Variants in IL1RAPL2 observed in about 807,000 individuals in gnomAD.
IL1RAPL2 encodes interleukin 1 receptor accessory protein like 2, also known as X-linked interleukin-1 receptor accessory protein-like 2.
In IL1RAPL2, 3 loss-of-function variants were observed where a neutral mutation model predicts 44.1. The observed-to-expected ratio is 0.07, with a 90% CI of 0.03 to 0.18. The LOEUF is 0.18. IL1RAPL2 is among the 10% of genes least tolerant of loss of function. The pLI, the probability that IL1RAPL2 is intolerant of heterozygous loss-of-function variation, is 1.00. For synonymous variants in IL1RAPL2, 181 were observed against 178.8 expected (o/e 1.01, Z -0.10); for missense variants, 391 against 496.4 (o/e 0.79, Z 2.02).
At chrX:104,880,313 C>A (rs1923028676) in intron 2 of IL1RAPL2, among the ~76,000 whole-genome samples, 1 of 111,225 alleles carries the variant, frequency 9.0e-6, no homozygotes, top group Non-Finnish European at 1.9e-5. Flanking sequence ...GAGATTGGCA[C>A]CCTTCCTAAC....
At chrX:104,599,650 GCA>G (rs35769134) in intron 1 of IL1RAPL2, among the ~76,000 whole-genome samples, 8,608 of 85,909 alleles carry the variant, frequency 0.1, 360 homozygotes, top group South Asian at 0.12. Context: ...GATGGATTTA[GCA>G]CACACACACA....
intron 2 of IL1RAPL2, among the ~76,000 whole-genome samples, chrX:104,907,387 G>T (rs942382837): frequency 9.1e-6 from 1 of 110,321 alleles, no homozygotes; most frequent in Non-Finnish European, 1.9e-5. Context: ...TCTTTTAATT[G>T]TGATGTTAGG....
intron 1 of IL1RAPL2, among the ~76,000 whole-genome samples, chrX:104,641,224 ATAT>A (rs1294097805): frequency 9.0e-6 from 1 of 111,683 alleles, no homozygotes; most frequent in Non-Finnish European, 1.9e-5. Context: ...TTTAGGCCCA[ATAT>A]TATGCCTTTG....
intron 2 of IL1RAPL2, among the ~76,000 whole-genome samples, chrX:104,730,754 G>A (rs1175274249): frequency 9.2e-6 from 1 of 108,992 alleles, no homozygotes; most frequent in African/African-American, 3.3e-5. Flanking sequence ...GGGATGGCTG[G>A]GTCAAATGGA....
intron 5 of IL1RAPL2, among the ~76,000 whole-genome samples, chrX:105,296,041 T>C (rs1182515267): frequency 9.0e-6 from 1 of 111,555 alleles, no homozygotes; most frequent in Non-Finnish European, 1.9e-5. Flanking sequence ...GAAAATACAC[T>C]GGTCCTCAAT....
At chrX:104,983,918 A>G (rs1271081163) in intron 2 of IL1RAPL2, among the ~76,000 whole-genome samples, 2 of 109,607 alleles carry the variant, frequency 1.8e-5, no homozygotes, top group Non-Finnish European at 3.8e-5. Context: ...TTTCCTTGGC[A>G]AGGGCTCCAT....
At chrX:104,839,181 T>C (rs1364493977) in intron 2 of IL1RAPL2, among the ~76,000 whole-genome samples, 1 of 110,904 alleles carries the variant, frequency 9.0e-6, no homozygotes. Context: ...CTACTAGATT[T>C]TGTTCATTCA....
intron 2 of IL1RAPL2, among the ~76,000 whole-genome samples, chrX:104,704,575 G>C (rs995347447): frequency 1.2e-4 from 13 of 111,358 alleles, no homozygotes; most frequent in African/African-American, 3.9e-4. Flanking sequence ...GTCAGGCCCT[G>C]AATTATACTC....
chrX:105,368,979 TTTCA>T (rs1469458863), intron 5 of IL1RAPL2, among the ~76,000 whole-genome samples: 2 of 109,062 alleles, frequency 1.8e-5, no homozygotes, highest in Non-Finnish European at 3.8e-5. Flanking sequence ...TGTTGGATTG[TTTCA>T]TTTAGTTAAT....
intron 5 of IL1RAPL2, chrX:105,406,288 A>C (rs2035643818): frequency 9.6e-7 from 1 of 1,045,164 alleles, no homozygotes; most frequent in Non-Finnish European, 1.3e-6. Flanking sequence ...GCGCTTTCTT[A>C]ATTGACCGAA....
intron 2 of IL1RAPL2, among the ~76,000 whole-genome samples, chrX:104,730,182 CAT>C (rs1308705445): frequency 9.0e-6 from 1 of 111,088 alleles, no homozygotes; most frequent in East Asian, 2.8e-4. Context: ...TATTCACACT[CAT>C]ATTTGAAGAC....
At chrX:104,841,696 T>G (rs1482690204) in intron 2 of IL1RAPL2, among the ~76,000 whole-genome samples, 1 of 111,670 alleles carries the variant, frequency 9.0e-6, no homozygotes, top group Non-Finnish European at 1.9e-5. Context: ...TTCTGTTATT[T>G]AAGTATGTTG....
chrX:105,192,852 T>G (rs2033644043), intron 2 of IL1RAPL2, among the ~76,000 whole-genome samples: 1 of 112,196 alleles, frequency 8.9e-6, no homozygotes, highest in Non-Finnish European at 1.9e-5. Flanking sequence ...GACTACCTTA[T>G]AACTAAATAC....
intron 6 of IL1RAPL2, among the ~76,000 whole-genome samples, chrX:105,635,627 G>A (rs867406094): frequency 3.6e-5 from 4 of 111,510 alleles, no homozygotes; most frequent in Middle Eastern, 4.2e-3. Context: ...AGAACCACTT[G>A]TGAGGTAGGG....
intron 3 of IL1RAPL2, among the ~76,000 whole-genome samples, chrX:105,218,652 C>T (rs1439753936): frequency 1.8e-5 from 2 of 110,302 alleles, no homozygotes. Context: ...TGCAAGTGCT[C>T]TGGAATACAA....
At chrX:104,655,501 C>T (rs933171496) in intron 1 of IL1RAPL2, among the ~76,000 whole-genome samples, 3 of 111,928 alleles carry the variant, frequency 2.7e-5, no homozygotes, top group African/African-American at 9.8e-5. Flanking sequence ...TTGAACCAGC[C>T]TTGCATCCCA....
At chrX:105,674,801 A>G (rs758169859) in intron 6 of IL1RAPL2, among the ~76,000 whole-genome samples, 4 of 111,200 alleles carry the variant, frequency 3.6e-5, no homozygotes, top group African/African-American at 6.5e-5. Flanking sequence ...AGCATGGAAT[A>G]TTTTTTCATT....
At chrX:105,369,784 G>A (rs1032391667) in intron 5 of IL1RAPL2, among the ~76,000 whole-genome samples, 1 of 111,247 alleles carries the variant, frequency 9.0e-6, no homozygotes, top group Non-Finnish European at 1.9e-5. Flanking sequence ...TGCTCTATCT[G>A]TGCCAAATCT....
At chrX:104,855,236 A>G (rs1204699160) in intron 2 of IL1RAPL2, among the ~76,000 whole-genome samples, 1 of 111,977 alleles carries the variant, frequency 8.9e-6, no homozygotes, top group Non-Finnish European at 1.9e-5. Context: ...ACATGGGTCC[A>G]GAGAATATGA....
Sources: gnomAD v4.1 joint callset for allele counts (sites outside exome capture counted in the v4.1 genomes callset) on GRCh38, gnomAD v4.1.1 for gene constraint, MANE v1.5 for transcripts, NCBI Gene and HGNC (gene_info 2026-07-23, HGNC 2026-07-21) for gene names.